Variants in CDK12 observed in about 807,000 individuals in gnomAD.
CDK12 encodes the protein cyclin-dependent kinase 12.
Under a neutral mutation model 133.8 loss-of-function variants are expected in CDK12, and 17 were observed. The observed-to-expected ratio is 0.13, with a 90% CI of 0.09 to 0.19. The LOEUF (loss-of-function observed/expected upper bound fraction) is 0.19. Among genes scored for constraint, CDK12 ranks in the 10% least tolerant of loss-of-function variants. The pLI is 1.00. For synonymous variants in CDK12, 694 were observed against 683.6 expected (o/e 1.02, Z -0.24); for missense variants, 1,508 against 1,818.7 (o/e 0.83, Z 3.11).
intron 2 of CDK12, among the ~76,000 whole-genome samples, chr17:39,475,866 A>T (rs1021340027): frequency 1.3e-5 from 2 of 152,084 alleles, no homozygotes; most frequent in African/African-American, 4.8e-5. Context: ...ATTTATGTGG[A>T]AAAAATTAAC....
intron 2 of CDK12, among the ~76,000 whole-genome samples, chr17:39,489,312 T>G (rs572556686): frequency 1.3e-5 from 2 of 151,958 alleles, no homozygotes; most frequent in East Asian, 3.9e-4. Context: ...TCAGGCAGTC[T>G]GCCCACCTTG....
At position 39,532,630 on chromosome 17, in the gene CDK12, G is replaced by A; in HGVS notation, c.*1314G>A. ...ATAATTTTAAAACAGCATACTGTGA[G>A]GAAGAACAGTATTGACATACCCACA... On this transcript the variant is annotated 3_prime_UTR_variant, in exon 14 of 14. Coordinates refer to ENST00000447079, the MANE Select transcript of CDK12 (RefSeq NM_016507.4). The A allele has an allele frequency of 4.3e-6, 1 of 232,568 alleles. No individual in the cohort carries two copies. The highest frequency in any genetic ancestry group is 8.5e-6 in the Non-Finnish European group (1 of 117,592). 14.4% of individuals were successfully genotyped at this position (232,568 alleles called of 1,614,324 possible).
intron 12 of CDK12, among the ~76,000 whole-genome samples, 165 bp from the exon 13 acceptor site, chr17:39,525,699 A>G (rs570544864): frequency 6.6e-6 from 1 of 152,238 alleles, no homozygotes; most frequent in Non-Finnish European, 1.5e-5. Context: ...GCGAAAGCAT[A>G]AAGAGTAACA....
At chr17:39,565,774 C>A (rs1325248596), downstream of CDK12, among the ~76,000 whole-genome samples, 1 of 152,206 alleles carries the variant, frequency 6.6e-6, no homozygotes, top group Non-Finnish European at 1.5e-5. Context: ...TGTTGGATCT[C>A]CAGTTTCCTA....
intron 11 of CDK12, among the ~76,000 whole-genome samples, chr17:39,522,529 G>T (rs1027493107): frequency 2.6e-5 from 4 of 151,638 alleles, no homozygotes; most frequent in African/African-American, 7.3e-5. Context: ...CCACCTCCCG[G>T]CTTCAAGCGA....
intron 2 of CDK12, among the ~76,000 whole-genome samples, chr17:39,474,781 CTTTTTTTTTTT>C (rs893347738): frequency 6.4e-5 from 6 of 94,134 alleles, no homozygotes; most frequent in South Asian, 3.2e-4. Context: ...ATGATGTTTC[CTTTTTTTTTTT>C]TTTTTTTTTT....
rs138219416 is a variant in CDK12 at position 39,530,925 on chromosome 17, C to T, written c.4082C>T (p.Ala1361Val). The change falls in exon 14 of 14, where the codon GCC becomes GTC. Residue 1361 changes from alanine (A) to valine (V), a missense_variant. By Grantham distance (64) the Ala-to-Val change is moderately conservative (BLOSUM62 0). Coordinates refer to ENST00000447079, the MANE Select transcript of CDK12 (RefSeq NM_016507.4). ...IDTDERNSGP[A>V]LTESLVQTLV... ...ACTGATGAACGAAACTCTGGTCCAG[C>T]CTTGACAGAATCCTTGGTCCAGACC... 4.8e-5 allele frequency: 77 copies of T among 1,614,186 alleles called. No homozygotes were observed. In the African/African-American group the frequency reaches 9.1e-4, roughly 19 times the overall value.
At chr17:39,516,722 G>A (rs950363330) in intron 9 of CDK12, among the ~76,000 whole-genome samples, 3 of 148,612 alleles carry the variant, frequency 2.0e-5, no homozygotes, top group Admixed American at 6.8e-5. Flanking sequence ...GAGTGCAGTG[G>A]CGTGATCTTG....
downstream of CDK12, among the ~76,000 whole-genome samples, chr17:39,537,914 A>G (rs1464018126): frequency 6.6e-6 from 1 of 152,116 alleles, no homozygotes; most frequent in Non-Finnish European, 1.5e-5. Flanking sequence ...AGGAAAAATT[A>G]TGGTTGAGTT....
At position 39,506,440 on chromosome 17, in the gene CDK12, C is replaced by T. The variant is rs1407127588; in HGVS notation, c.2610-3265C>T. On this transcript the variant is annotated intron_variant, in intron 6 of 13. Coordinates refer to ENST00000447079, the MANE Select transcript of CDK12 (RefSeq NM_016507.4). ...ATGTTGGCCAGGCTGGGTCTCAAAC[C>T]TCTGACCTCAAGTGATCCACCCACC... Among the ~76,000 whole-genome samples the T allele has an allele frequency of 2.0e-5, 3 of 151,534 alleles. No individual in the cohort carries two copies. In the East Asian group the frequency reaches 5.8e-4, roughly 29 times the overall value.
At chr17:39,506,542 T>G (rs529580797) in intron 6 of CDK12, among the ~76,000 whole-genome samples, 1 of 152,190 alleles carries the variant, frequency 6.6e-6, no homozygotes, top group South Asian at 2.1e-4. Context: ...TTCTTTACAC[T>G]TGTGTTCAGC....
At chr17:39,496,051 A>G (rs543789343) in intron 5 of CDK12, among the ~76,000 whole-genome samples, 1 of 151,936 alleles carries the variant, frequency 6.6e-6, no homozygotes, top group African/African-American at 2.4e-5. Flanking sequence ...AGCTGGGATT[A>G]CAGGCATGTG....
At chr17:39,525,796 A>T in intron 12 of CDK12, 68 bp from the exon 13 acceptor site, 1 of 1,192,766 alleles carries the variant, frequency 8.4e-7, no homozygotes, top group Non-Finnish European at 1.2e-6. Context: ...TGCTGTTGCC[A>T]GTTGAAGAAG....
At chr17:39,469,133 G>A (rs2049588079) in intron 1 of CDK12, among the ~76,000 whole-genome samples, 1 of 152,042 alleles carries the variant, frequency 6.6e-6, no homozygotes, top group Admixed American at 6.6e-5. Context: ...GCCTTTGTTG[G>A]TTTTTTGTTT....
downstream of CDK12, chr17:39,535,239 C>T (rs2055079925): frequency 6.6e-6 from 1 of 152,100 alleles, no homozygotes; most frequent in South Asian, 2.1e-4. Context: ...AGATAAAGTC[C>T]ACTAGGAGAA....
chr17:39,473,036 G>A (rs1047899202), intron 2 of CDK12, among the ~76,000 whole-genome samples: 9 of 151,422 alleles, frequency 5.9e-5, no homozygotes, highest in Non-Finnish European at 1.2e-4. Flanking sequence ...AAATCGCGCC[G>A]CTGTACTCCA....
chr17:39,529,017 A>AT (rs1040269261), intron 13 of CDK12, among the ~76,000 whole-genome samples: 31 of 152,010 alleles, frequency 2.0e-4, no homozygotes, highest in Admixed American at 1.2e-3. Context: ...TCCATGGCTA[A>AT]TTTTTTGTCC....
In CDK12 at chr17:39,471,041, G is replaced by A. The variant is rs1291470742; in HGVS notation, c.1209G>A (p.Lys403=). Residue 403 remains lysine, a synonymous_variant, in exon 2 of 14, where the codon AAG becomes AAA. Coordinates refer to ENST00000447079, the MANE Select transcript of CDK12 (RefSeq NM_016507.4). ...TGGGAGCTGAACTCAGTAGGAAAAA[G>A]AAGGAAAGAGCAGCTGCTGCTGCTG... ...SSLGAELSRK[K]KERAAAAAAA... is the part of the protein sequence containing the mutation. 2 of 1,614,120 alleles carry A rather than the reference G, an allele frequency of 1.2e-6. No homozygotes were observed. Among genetic ancestry groups the A allele is most frequent in the Admixed American group, 3.3e-5 (2 of 59,974 alleles).
intron 1 of CDK12, among the ~76,000 whole-genome samples, chr17:39,467,122 G>T (rs2049392709): frequency 6.6e-6 from 1 of 152,034 alleles, no homozygotes; most frequent in African/African-American, 2.4e-5. Context: ...GGGACTACAG[G>T]CGCGCGTCAC....
Sources: gnomAD v4.1 joint callset for allele counts (sites outside exome capture counted in the v4.1 genomes callset) on GRCh38, gnomAD v4.1.1 for gene constraint, MANE v1.5 for transcripts, NCBI Gene and HGNC (gene_info 2026-07-23, HGNC 2026-07-21) for gene names.